The following SLC9A9 variants were observed in gnomAD, a reference collection of about 807,000 sequenced individuals.
SLC9A9 encodes the protein sodium/hydrogen exchanger 9.
In SLC9A9, 62 loss-of-function variants were observed where a neutral mutation model predicts 77.8. The ratio of observed to expected loss-of-function variants is 0.80; its 90% CI spans 0.65 to 0.98. The LOEUF is 0.98. Ranked by LOEUF, SLC9A9 falls within the 50% of genes least tolerant of loss-of-function variation. SLC9A9 has a pLI of 0.00. For missense variants in SLC9A9, 775 were observed against 774.9 expected, an observed-to-expected ratio of 1.00 and a Z score of 0.00; for synonymous variants, 320 against 283.5, an observed-to-expected ratio of 1.13 and a Z score of -1.29.
intron 14 of SLC9A9, among the ~76,000 whole-genome samples, chr3:143,360,214 A>G (rs897232025): frequency 7.2e-5 from 11 of 152,190 alleles, no homozygotes; most frequent in African/African-American, 1.4e-4. Flanking sequence ...CTCCACATCA[A>G]AGAGGGTGGT....
chr3:143,468,181 T>A (rs940769158), intron 11 of SLC9A9, among the ~76,000 whole-genome samples: 6 of 152,228 alleles, frequency 3.9e-5, no homozygotes, highest in Non-Finnish European at 7.3e-5. Flanking sequence ...CTGAGATATA[T>A]GCCCAGGAGT....
At chr3:143,738,397 C>T (rs140781248) in intron 4 of SLC9A9, among the ~76,000 whole-genome samples, 23 of 152,130 alleles carry the variant, frequency 1.5e-4, no homozygotes, top group Non-Finnish European at 2.1e-4. Flanking sequence ...CCCCTCTAGC[C>T]GTTACAACGG....
chr3:143,722,780 A>G (rs1325494873), intron 4 of SLC9A9, among the ~76,000 whole-genome samples: 1 of 152,060 alleles, frequency 6.6e-6, no homozygotes, highest in Admixed American at 6.5e-5. Flanking sequence ...ACATTTTCCA[A>G]GATGATTTTC....
chr3:143,369,902 A>G (rs2033007312), intron 13 of SLC9A9, among the ~76,000 whole-genome samples: 1 of 152,224 alleles, frequency 6.6e-6, no homozygotes, highest in Admixed American at 6.5e-5. Context: ...GGAGAGATCC[A>G]TGTGGAAAGG....
intron 6 of SLC9A9, among the ~76,000 whole-genome samples, chr3:143,622,789 C>A (rs1401892043): frequency 2.6e-5 from 4 of 152,130 alleles, no homozygotes; most frequent in Non-Finnish European, 5.9e-5. Flanking sequence ...TGTAAATGGG[C>A]TAAATGCTCC....
At chr3:143,338,548 C>T (rs2031994607) in intron 14 of SLC9A9, among the ~76,000 whole-genome samples, 1 of 152,176 alleles carries the variant, frequency 6.6e-6, no homozygotes, top group Non-Finnish European at 1.5e-5. Flanking sequence ...GATCTTGGGA[C>T]ATAAATACAT....
At chr3:143,776,425 T>C (rs2007694493) in intron 4 of SLC9A9, among the ~76,000 whole-genome samples, 1 of 152,164 alleles carries the variant, frequency 6.6e-6, no homozygotes, top group Non-Finnish European at 1.5e-5. Flanking sequence ...AGTTATAAAC[T>C]AGTGAGAAAA....
chr3:143,323,861 G>A (rs992811134), intron 14 of SLC9A9, among the ~76,000 whole-genome samples: 1 of 152,032 alleles, frequency 6.6e-6, no homozygotes. Flanking sequence ...TAATACATAT[G>A]CACCCTGAGG....
At chr3:143,773,909 T>C (rs553345439) in intron 4 of SLC9A9, among the ~76,000 whole-genome samples, 4 of 152,226 alleles carry the variant, frequency 2.6e-5, no homozygotes, top group African/African-American at 7.2e-5. Flanking sequence ...GTCTCTAGCA[T>C]GGTGATTGCC....
chr3:143,367,513 C>T (rs551156120), intron 13 of SLC9A9, among the ~76,000 whole-genome samples: 59 of 152,226 alleles, frequency 3.9e-4, no homozygotes, highest in African/African-American at 1.4e-3. Flanking sequence ...TTATGAAAGG[C>T]CATCAATAAA....
At chr3:143,421,098 T>G (rs910995056) in intron 12 of SLC9A9, among the ~76,000 whole-genome samples, 3 of 152,208 alleles carry the variant, frequency 2.0e-5, no homozygotes, top group Non-Finnish European at 2.9e-5. Context: ...GTGAGAGATC[T>G]CTACAAGAAC....
intron 6 of SLC9A9, among the ~76,000 whole-genome samples, chr3:143,597,919 T>C (rs981473138): frequency 4.0e-5 from 6 of 151,820 alleles, no homozygotes; most frequent in Non-Finnish European, 4.4e-5. Context: ...CTGTGTAGAG[T>C]GGCATATTCG....
intron 12 of SLC9A9, among the ~76,000 whole-genome samples, chr3:143,406,027 C>G (rs911814864): frequency 6.6e-6 from 1 of 152,122 alleles, no homozygotes; most frequent in African/African-American, 2.4e-5. Context: ...GGAAGTCTTG[C>G]TTAATTGATG....
At chr3:143,805,473 G>A (rs2108867065) in intron 2 of SLC9A9, among the ~76,000 whole-genome samples, 2 of 152,280 alleles carry the variant, frequency 1.3e-5, no homozygotes, top group South Asian at 4.1e-4. Flanking sequence ...TAAGAAGGCA[G>A]GAATGTCAGG....
At chr3:143,406,644 T>G (rs1278291023) in intron 12 of SLC9A9, among the ~76,000 whole-genome samples, 1 of 152,114 alleles carries the variant, frequency 6.6e-6, no homozygotes, top group Non-Finnish European at 1.5e-5. Flanking sequence ...TTCTAGGAAT[T>G]ATTTCATCAT....
At chr3:143,842,122 T>G (rs113043857) in intron 1 of SLC9A9, among the ~76,000 whole-genome samples, 5 of 152,026 alleles carry the variant, frequency 3.3e-5, no homozygotes, top group African/African-American at 1.2e-4. Flanking sequence ...GGCTCACGCC[T>G]GTAATCCCAG....
chr3:143,700,213 G>A (rs553320015), intron 4 of SLC9A9, among the ~76,000 whole-genome samples: 35 of 152,206 alleles, frequency 2.3e-4, no homozygotes, highest in African/African-American at 7.2e-4. Context: ...TGGGCCTTGG[G>A]TGAGACTCTG....
At chr3:143,818,807 C>T (rs560677715) in intron 2 of SLC9A9, among the ~76,000 whole-genome samples, 3 of 152,090 alleles carry the variant, frequency 2.0e-5, no homozygotes, top group Admixed American at 1.3e-4. Flanking sequence ...ATCGGCCAGG[C>T]GCGGTGGCTC....
intron 9 of SLC9A9, chr3:143,518,293 A>T: frequency 9.0e-7 from 1 of 1,109,096 alleles, no homozygotes; most frequent in Non-Finnish European, 1.3e-6. Context: ...GCGCTGGCTC[A>T]GCGTGACCAC....
Sources: allele counts gnomAD v4.1 joint callset (sites outside exome capture counted in the v4.1 genomes callset), GRCh38; gene constraint gnomAD v4.1.1; transcripts MANE v1.5; gene names NCBI Gene and HGNC (gene_info 2026-07-23, HGNC 2026-07-21).